Variants in RNF135 observed in about 807,000 individuals in gnomAD.
RNF135 encodes ring finger protein 135, also known as E3 ubiquitin-protein ligase RNF135.
Under a neutral mutation model 41.9 loss-of-function variants are expected in RNF135, and 46 were observed. The ratio of observed to expected loss-of-function variants is 1.10; its 90% confidence interval spans 0.87 to 1.40. The LOEUF (loss-of-function observed/expected upper bound fraction) is 1.40, where lower values mean the gene tolerates loss of function less well. Ranked by LOEUF, RNF135 falls within the 40% of genes most tolerant of loss-of-function variation. RNF135 has a pLI of 0.00. For missense variants in RNF135, 539 were observed against 549.8 expected (o/e 0.98, Z 0.20); for synonymous variants, 238 against 223.8 (o/e 1.06, Z -0.57).
At chr17:30,995,913 C>T (rs914515896) in intron 3 of RNF135, among the ~76,000 whole-genome samples, 1 of 151,402 alleles carries the variant, frequency 6.6e-6, no homozygotes, top group African/African-American at 2.4e-5. Flanking sequence ...TGTGCTACCA[C>T]CCCTGACTAG....
rs529156948 is a variant in RNF135, at chr17:30,995,154, G to A, written c.680-2088G>A. 2.0e-4 allele frequency among the ~76,000 whole-genome samples: 31 copies of A among 152,074 alleles called. No homozygotes were observed. The East Asian group carries it at 4.9e-3, about 24-fold the overall frequency. Reference sequence around the variant, plus strand: ...TGTAATCATAGCACTTTGGGAGGCCGAGGCGGGTGGATCACTAGGTCAGGA... The same window carrying A: ...TGTAATCATAGCACTTTGGGAGGCCAAGGCGGGTGGATCACTAGGTCAGGA... On this transcript the variant is annotated intron_variant, in intron 3 of 4. Transcript: ENST00000328381.
intron 3 of RNF135, among the ~76,000 whole-genome samples, chr17:30,988,796 T>G (rs1907782412): frequency 6.7e-6 from 1 of 149,840 alleles, no homozygotes; most frequent in Non-Finnish European, 1.5e-5. Context: ...TTTTGTTTTA[T>G]TTTGAGACAG....
At chr17:30,974,685 A>T (rs575844436) in intron 1 of RNF135, among the ~76,000 whole-genome samples, 167 of 146,100 alleles carry the variant, frequency 1.1e-3, no homozygotes, top group African/African-American at 3.1e-3. Context: ...TATTATTATT[A>T]TTATTTTTTT....
intron 3 of RNF135, among the ~76,000 whole-genome samples, chr17:30,993,290 A>AC (rs1908118096): frequency 6.6e-6 from 1 of 152,092 alleles, no homozygotes; most frequent in South Asian, 2.1e-4. Flanking sequence ...TGAACTCCTG[A>AC]CCTCAGGTGA....
In RNF135 at chr17:30,971,473, T is replaced by TGGCTCCCCC. The variant is rs1176314864; in HGVS notation, c.372+31_372+39dup. The stretch of plus-strand genomic sequence containing the variant: ...AGGGAGGCCGGGCCCGCAGCTCCCC[T>TGGCTCCCCC]GGCTCCCCCGGGCTGCCCGCCGCCT... On this transcript the variant is annotated intron_variant, in intron 1 of 4. Coordinates refer to ENST00000328381, the MANE Select transcript of RNF135 (RefSeq NM_032322.4). 1.0e-5 allele frequency: 15 copies of TGGCTCCCCC among 1,476,142 alleles called. No homozygotes were observed. The East Asian group carries it at 3.1e-4, about 30-fold the overall frequency. 91.4% of individuals were successfully genotyped at this position (1,476,142 alleles called of 1,614,324 possible).
chr17:30,997,416 T>A, intron 4 of RNF135, 85 bp downstream of exon 4: 1 of 1,144,034 alleles, frequency 8.7e-7, no homozygotes, highest in South Asian at 1.2e-5. Context: ...TCCCTACTGC[T>A]AGGGCCACTC....
rs1293548491 is a variant in RNF135 at position 30,984,535 on chromosome 17, G to GTAT, written c.373-80_373-78dup. 4 of 1,429,112 alleles carry GTAT rather than the reference G, an allele frequency of 2.8e-6. No homozygotes were observed. In the Admixed American group the frequency reaches 6.8e-5, roughly 24 times the overall value. The allele number at this position is 1,429,112 out of a possible 1,614,324, so 88.5% of individuals were successfully genotyped here. On this transcript the variant is annotated intron_variant, in intron 1 of 4. Transcript: ENST00000328381. ...TGTCTGTTTTTATGCCATTACCACA[G>GTAT]TATTTATGATTCCCTCTGTCTAGTG...
chr17:30,969,137 A>C (rs1037167106), upstream of RNF135: 1 of 151,910 alleles, frequency 6.6e-6, no homozygotes, highest in Non-Finnish European at 1.5e-5. Flanking sequence ...TCCTGAGTTC[A>C]GGCAATCCAC....
chr17:30,979,414 G>A (rs1906790709), intron 1 of RNF135, among the ~76,000 whole-genome samples: 1 of 79,070 alleles, frequency 1.3e-5, no homozygotes, highest in Non-Finnish European at 2.5e-5. Context: ...GGGCAGAGGG[G>A]TCCTCACTTC....
At chr17:30,963,585 A>T in the RNF135 span, among the ~76,000 whole-genome samples, 2 of 151,186 alleles carry the variant, frequency 1.3e-5, no homozygotes, top group African/African-American at 4.9e-5. Flanking sequence ...AGAAAAAAAA[A>T]ATTGGGTGGT....
intron 1 of RNF135, among the ~76,000 whole-genome samples, chr17:30,980,439 A>C (rs1291280985): frequency 5.2e-5 from 6 of 116,320 alleles, no homozygotes; most frequent in South Asian, 3.0e-4. Flanking sequence ...ACTTCCCAGT[A>C]GGGGCGGCCG....
upstream of RNF135, chr17:30,970,915 A>T (rs895827620): frequency 9.6e-7 from 1 of 1,041,364 alleles, no homozygotes; most frequent in Non-Finnish European, 1.4e-6. Flanking sequence ...GTCTGTTTTC[A>T]GCAGGATCGG....
chr17:30,987,529 G>T (rs985348325), intron 2 of RNF135, among the ~76,000 whole-genome samples: 2 of 152,170 alleles, frequency 1.3e-5, no homozygotes, highest in African/African-American at 4.8e-5. Context: ...ACCACACCTA[G>T]CCGAAAAGGT....
Position 30,999,274 on chromosome 17 carries a change from C to A in RNF135, c.*83C>A, listed in dbSNP as rs984723524. 4.1e-6 allele frequency: 6 copies of A among 1,465,140 alleles called. No individual in the cohort carries two copies. The highest frequency in any genetic ancestry group is 1.8e-5 in the Admixed American group (1 of 57,100). 90.8% of individuals were successfully genotyped at this position (1,465,140 alleles called of 1,614,324 possible). ...AGGGTAGTAACTTGACTTAAGAATA[C>A]CACTTTTTAGAAAAATTACGATAGA... On this transcript the variant is annotated 3_prime_UTR_variant, in exon 5 of 5. Coordinates refer to ENST00000328381, the MANE Select transcript of RNF135 (RefSeq NM_032322.4).
chr17:30,972,795 G>C (rs1374062390), intron 1 of RNF135: 1 of 152,140 alleles, frequency 6.6e-6, no homozygotes, highest in Admixed American at 6.6e-5. Flanking sequence ...GTTTTGTTTT[G>C]AGATGGAGTC....
Position 30,971,213 on chromosome 17 carries a change from C to G in RNF135, c.140C>G (p.Ala47Gly), listed in dbSNP as rs1008828135. The G allele has an allele frequency of 1.3e-6, 2 of 1,514,350 alleles. No homozygotes were observed. The highest frequency in any genetic ancestry group is 1.8e-6 in the Non-Finnish European group (2 of 1,138,414). 93.8% of individuals were successfully genotyped at this position (1,514,350 alleles called of 1,614,324 possible). A position where few individuals can be genotyped will look rare whatever the true frequency, so the allele number is the denominator to read the frequency against. Residue 47 changes from alanine to glycine, a missense_variant, in exon 1 of 5, where the codon GCC (alanine) becomes GGC (glycine). Ala to Gly is a moderately conservative substitution (Grantham distance 60). This residue lies in a region of RNF135 where 277 missense variants were observed against 212.8 expected (regional missense o/e 1.30). Transcript: ENST00000328381. ...AGCTTCTGCCGCCACTGCCTGGAGG[C>G]CCTGTGGGGCGCCCGCGACGCCCGC... ...GHSFCRHCLE[A>G]LWGARDARRW...
chr17:30,980,937 A>G (rs781621982), intron 1 of RNF135, among the ~76,000 whole-genome samples: 1 of 150,686 alleles, frequency 6.6e-6, no homozygotes, highest in Non-Finnish European at 1.5e-5. Context: ...CAAGCAGAGA[A>G]GCTCCTCACT....
chr17:30,975,257 A>G (rs1906341691), intron 1 of RNF135: 1 of 529,044 alleles, frequency 1.9e-6, no homozygotes, highest in South Asian at 2.3e-5. Context: ...CAGGAGGTTG[A>G]GGCTGCAGTG....
chr17:30,979,965 G>C (rs1906922014), intron 1 of RNF135, among the ~76,000 whole-genome samples: 1 of 108,754 alleles, frequency 9.2e-6, no homozygotes, highest in South Asian at 3.2e-4. Context: ...TCCCGGACGG[G>C]GCGGCTGGCC....
Sources: allele counts gnomAD v4.1 joint callset (sites outside exome capture counted in the v4.1 genomes callset), GRCh38; gene constraint gnomAD v4.1.1; regional missense constraint gnomAD v4.1.1; transcripts MANE v1.5; gene names NCBI Gene and HGNC (gene_info 2026-07-23, HGNC 2026-07-21).